ITPK1: variants seen among roughly 807,000 people sequenced by gnomAD.
ITPK1 encodes inositol-tetrakisphosphate 1-kinase.
ITPK1 carries 21 observed loss-of-function variants against 45.3 expected under a neutral mutation model. That is an observed-to-expected ratio of 0.46 (90% CI 0.33 to 0.67). The LOEUF (loss-of-function observed/expected upper bound fraction) is 0.67, where lower values mean the gene tolerates loss of function less well. Among genes scored for constraint, ITPK1 ranks in the 30% least tolerant of loss-of-function variants. The pLI is 0.02. For missense variants in ITPK1, 474 were observed against 573.5 expected, an observed-to-expected ratio of 0.83 and a Z score of 1.77; for synonymous variants, 258 against 253.6, an observed-to-expected ratio of 1.02 and a Z score of -0.16.
At chr14:92,990,036 G>T (rs1309676604) in intron 5 of ITPK1, among the ~76,000 whole-genome samples, 1 of 152,182 alleles carries the variant, frequency 6.6e-6, no homozygotes, top group Admixed American at 6.5e-5. Flanking sequence ...CCCATGTCTT[G>T]GAAGACTGCT....
Position 93,112,727 on chromosome 14 carries a change from G to A in ITPK1, c.95+2342C>T, listed in dbSNP as rs188462989. On this transcript the variant is annotated intron_variant, in intron 2 of 10. Coordinates refer to ENST00000267615, the MANE Select transcript of ITPK1 (RefSeq NM_014216.6). ...TGCTGGGATTACAGACAGAAGACAC[G>A]GCACCCGGCCCAAAGCAGGGCCATT... is the stretch of plus-strand genomic sequence containing the variant. Among the ~76,000 whole-genome samples, 8 of 152,158 alleles carry A rather than the reference G, an allele frequency of 5.3e-5. No homozygotes were observed. In the East Asian group the frequency reaches 5.8e-4, roughly 11 times the overall value.
intron 7 of ITPK1, among the ~76,000 whole-genome samples, chr14:92,960,263 G>A (rs1341932023): frequency 6.6e-6 from 1 of 152,158 alleles, no homozygotes; most frequent in Non-Finnish European, 1.5e-5. Context: ...TCCCCTGAGC[G>A]TGCTGACCCC....
intron 4 of ITPK1, among the ~76,000 whole-genome samples, chr14:92,996,863 G>A (rs562090227): frequency 6.6e-6 from 1 of 152,288 alleles, no homozygotes; most frequent in Non-Finnish European, 1.5e-5. Flanking sequence ...ACCTCTCAGA[G>A]TCACCTTTGG....
chr14:92,969,950 C>G (rs1885566448), intron 5 of ITPK1, among the ~76,000 whole-genome samples: 1 of 152,112 alleles, frequency 6.6e-6, no homozygotes, highest in African/African-American at 2.4e-5. Flanking sequence ...ATGGGCAAGT[C>G]CCAGCCACAG....
chr14:92,969,343 G>C (rs1885534701), intron 5 of ITPK1, among the ~76,000 whole-genome samples: 2 of 151,750 alleles, frequency 1.3e-5, no homozygotes, highest in South Asian at 4.2e-4. Context: ...GCAGAGGTGG[G>C]GTATGCGATT....
At chr14:93,083,003 C>A (rs1891499149) in intron 2 of ITPK1, among the ~76,000 whole-genome samples, 1 of 152,180 alleles carries the variant, frequency 6.6e-6, no homozygotes, top group Non-Finnish European at 1.5e-5. Flanking sequence ...CAGCAGGGAC[C>A]CTGTGAGTGA....
chr14:93,113,348 G>A, intron 2 of ITPK1, among the ~76,000 whole-genome samples: 1 of 152,108 alleles, frequency 6.6e-6, no homozygotes, highest in East Asian at 1.9e-4. Flanking sequence ...TGTGAGTCTC[G>A]GCGAAGAATA....
In ITPK1 at chr14:93,047,766, T is replaced by C. The variant is rs117278653; in HGVS notation, c.120+28829A>G. On this transcript the variant is annotated intron_variant, in intron 3 of 10. Coordinates refer to ENST00000267615, the MANE Select transcript of ITPK1 (RefSeq NM_014216.6). Reference sequence around the variant, plus strand: ...TGGCATTCCTAGCAGGCAAATATGATATGTATGTGACCCAAGCCAGGCCAA... The same window carrying C: ...TGGCATTCCTAGCAGGCAAATATGACATGTATGTGACCCAAGCCAGGCCAA... 5.8e-3 allele frequency among the ~76,000 whole-genome samples: 876 copies of C among 152,286 alleles called. 5 individuals carry two copies. The highest frequency in any genetic ancestry group is 9.4e-3 in the Non-Finnish European group (637 of 68,034).
At chr14:93,052,557 AG>A (rs1890058514) in intron 3 of ITPK1, among the ~76,000 whole-genome samples, 1 of 152,164 alleles carries the variant, frequency 6.6e-6, no homozygotes, top group Non-Finnish European at 1.5e-5. Context: ...TGAGGGCCAA[AG>A]GAACCCCCAG....
At chr14:92,996,254 A>AAT (rs1887051142) in intron 4 of ITPK1, among the ~76,000 whole-genome samples, 1 of 152,208 alleles carries the variant, frequency 6.6e-6, no homozygotes, top group Non-Finnish European at 1.5e-5. Flanking sequence ...CTCCAAAAAA[A>AAT]ATAAAGAAAA....
At chr14:92,948,795 C>T (rs541896821) in intron 9 of ITPK1, among the ~76,000 whole-genome samples, 59 of 151,950 alleles carry the variant, frequency 3.9e-4, no homozygotes, top group Middle Eastern at 3.4e-3. Context: ...CACGCCCGGG[C>T]GCCGCCCACG....
chr14:93,093,255 G>C (rs1891935559), intron 2 of ITPK1, among the ~76,000 whole-genome samples: 1 of 152,226 alleles, frequency 6.6e-6, no homozygotes, highest in African/African-American at 2.4e-5. Context: ...CAGGGTTCTA[G>C]GGCCTCCAAG....
rs1884843089 is a variant in ITPK1 at position 92,958,147 on chromosome 14, C to A, written c.670+54G>T. The A allele has an allele frequency of 1.9e-6, 3 of 1,575,200 alleles. No individual in the cohort carries two copies. The highest frequency in any genetic ancestry group is 2.6e-6 in the Non-Finnish European group (3 of 1,145,360). On this transcript the variant is annotated intron_variant, in intron 8 of 10. Coordinates refer to ENST00000267615, the MANE Select transcript of ITPK1 (RefSeq NM_014216.6). This position sits in a 1 kb window ranked among gnomAD's most constrained non-coding sequence, Gnocchi z 4.4. ...GAAGGACAGACAGCTGCTGCCACATCCCAGCTGGGCCCCTGAGTCTTGCTC... is the reference window on the plus strand; with the variant it reads ...GAAGGACAGACAGCTGCTGCCACATACCAGCTGGGCCCCTGAGTCTTGCTC...
chr14:93,022,118 T>C (rs983366732), intron 3 of ITPK1, among the ~76,000 whole-genome samples: 6 of 152,160 alleles, frequency 3.9e-5, no homozygotes, highest in African/African-American at 7.2e-5. Context: ...TCCTTAAGAA[T>C]AGGACTGACC....
intron 2 of ITPK1, among the ~76,000 whole-genome samples, chr14:93,092,262 A>C (rs1254472193): frequency 6.6e-6 from 1 of 152,192 alleles, no homozygotes; most frequent in Non-Finnish European, 1.5e-5. Flanking sequence ...CCAAAGATGC[A>C]AAATCGAGGC....
At chr14:93,064,004 C>A (rs1325075502) in intron 3 of ITPK1, among the ~76,000 whole-genome samples, 1 of 152,260 alleles carries the variant, frequency 6.6e-6, no homozygotes, top group African/African-American at 2.4e-5. Flanking sequence ...AAAAAATTGG[C>A]CGGGCATGGT....
Position 92,978,848 on chromosome 14 carries a change from G to GGTTACCTC in ITPK1, c.364+15031_364+15032insGAGGTAAC. ...CTCATGGAAAACCTCTGCTAGGGCA[G>GGTTACCTC]TGCAGAGAGTAAATGTGATGTTAGA... On this transcript the variant is annotated intron_variant, in intron 5 of 10. Coordinates refer to ENST00000267615, the MANE Select transcript of ITPK1 (RefSeq NM_014216.6). Among the ~76,000 whole-genome samples, 3 of 152,314 alleles carry GGTTACCTC rather than the reference G, an allele frequency of 2.0e-5. No individual in the cohort carries two copies. The East Asian group carries it at 5.8e-4, about 29-fold the overall frequency.
chr14:93,115,507 T>G, intron 1 of ITPK1, among the ~76,000 whole-genome samples: 1 of 148,516 alleles, frequency 6.7e-6, no homozygotes. Context: ...TGAGCCTGAG[T>G]CTGAGTCGGA....
intron 4 of ITPK1, among the ~76,000 whole-genome samples, chr14:93,007,975 CAGG>C (rs573842331): frequency 5.3e-5 from 8 of 152,244 alleles, no homozygotes; most frequent in Non-Finnish European, 1.0e-4. Flanking sequence ...CCAGCGCTCC[CAGG>C]AGGCCACCAG....
Sources: allele counts gnomAD v4.1 joint callset (sites outside exome capture counted in the v4.1 genomes callset), GRCh38; gene constraint gnomAD v4.1.1; non-coding constraint Gnocchi (gnomAD v3.1); transcripts MANE v1.5; gene names NCBI Gene and HGNC (gene_info 2026-07-23, HGNC 2026-07-21).